The following CREB5 variants were observed in gnomAD, a reference collection of about 807,000 sequenced individuals.
CREB5 encodes the protein cAMP responsive element binding protein 5.
Under a neutral mutation model 57.1 loss-of-function variants are expected in CREB5, and 19 were observed. The ratio of observed to expected loss-of-function variants is 0.33; its 90% CI spans 0.23 to 0.49. The LOEUF (loss-of-function observed/expected upper bound fraction) is 0.49. Ranked by LOEUF, CREB5 falls within the 20% of genes least tolerant of loss-of-function variation. CREB5 has a pLI of 0.99. For synonymous variants in CREB5, 238 were observed against 238.3 expected (o/e 1.00, Z 0.01); for missense variants, 579 against 671.6 (o/e 0.86, Z 1.52).
At chr7:28,421,846 ACTCTCT>A (rs879618076) in intron 1 of CREB5, among the ~76,000 whole-genome samples, 3 of 39,902 alleles carry the variant, frequency 7.5e-5, no homozygotes, top group African/African-American at 1.6e-4. Context: ...ACACACACAC[ACTCTCT>A]CTCTCTATAT....
chr7:28,349,177 C>T (rs1263553186), intron 1 of CREB5, among the ~76,000 whole-genome samples: 1 of 152,076 alleles, frequency 6.6e-6, no homozygotes, highest in South Asian at 2.1e-4. Flanking sequence ...TTTGATTTTT[C>T]TGTAATTTTG....
intron 4 of CREB5, among the ~76,000 whole-genome samples, chr7:28,528,686 A>C (rs2128620357): frequency 6.8e-6 from 1 of 146,956 alleles, no homozygotes; most frequent in East Asian, 2.0e-4. Flanking sequence ...CCTGGGCAAC[A>C]AGAGCGAAAC....
At chr7:28,653,913 C>T (rs1799236326) in intron 5 of CREB5, among the ~76,000 whole-genome samples, 1 of 152,338 alleles carries the variant, frequency 6.6e-6, no homozygotes, top group Middle Eastern at 3.4e-3. Context: ...GATTTTAGAA[C>T]TTCAAGCCCT....
chr7:28,802,616 GAT>G (rs1383148882), intron 7 of CREB5, among the ~76,000 whole-genome samples: 1 of 152,214 alleles, frequency 6.6e-6, no homozygotes, highest in African/African-American at 2.4e-5. Flanking sequence ...CTCTGCATAA[GAT>G]ATATTTCCAA....
chr7:28,803,046 AT>A (rs1284370847), intron 7 of CREB5, among the ~76,000 whole-genome samples: 1 of 152,246 alleles, frequency 6.6e-6, no homozygotes, highest in East Asian at 1.9e-4. Context: ...AATACTGACT[AT>A]CTGACTCTTT....
chr7:28,583,553 C>T (rs1328147712), intron 5 of CREB5, among the ~76,000 whole-genome samples: 1 of 152,176 alleles, frequency 6.6e-6, no homozygotes, highest in Non-Finnish European at 1.5e-5. Flanking sequence ...TCAGTCTACC[C>T]TTTTAGGCAG....
Position 28,809,418 on chromosome 7 carries a change from C to A in CREB5, c.1254+4C>A. 1 of 1,604,708 alleles carries A rather than the reference C, an allele frequency of 6.2e-7. No homozygotes were observed. The highest frequency in any genetic ancestry group is 2.2e-5 in the East Asian group (1 of 44,588). Reference sequence around the variant, plus strand: ...CCAGACAAACATGCAGCTTCAGGTGCAGCCCACGGTGTCTTTCCCCGCGAC... The same window carrying A: ...CCAGACAAACATGCAGCTTCAGGTGAAGCCCACGGTGTCTTTCCCCGCGAC... On this transcript the variant is annotated splice_donor_region_variant and intron_variant, in intron 9 of 10. Transcript: ENST00000357727.
chr7:28,668,118 A>G (rs1321563546), intron 5 of CREB5, among the ~76,000 whole-genome samples: 1 of 152,054 alleles, frequency 6.6e-6, no homozygotes, highest in African/African-American at 2.4e-5. Flanking sequence ...TCTCTTATAA[A>G]CTCTACTTGT....
intron 7 of CREB5, among the ~76,000 whole-genome samples, chr7:28,801,436 G>A (rs1456668354): frequency 2.0e-5 from 3 of 151,794 alleles, no homozygotes; most frequent in Non-Finnish European, 2.9e-5. Context: ...CCTTAAATTC[G>A]GAAGTATCAT....
chr7:28,713,272 C>T (rs1332567293), intron 5 of CREB5, among the ~76,000 whole-genome samples: 3 of 152,142 alleles, frequency 2.0e-5, no homozygotes, highest in Admixed American at 2.0e-4. Context: ...AACTCCTGAG[C>T]TCAAGCTCAA....
chr7:28,669,247 G>A (rs982948), intron 5 of CREB5, among the ~76,000 whole-genome samples: 68,369 of 152,024 alleles, frequency 0.45, 15,969 homozygotes, highest in Middle Eastern at 0.55. Context: ...TACAGGGTAC[G>A]TGTTGGTAAA....
intron 7 of CREB5, among the ~76,000 whole-genome samples, chr7:28,750,484 G>A (rs920255209): frequency 3.9e-5 from 6 of 152,110 alleles, no homozygotes; most frequent in Non-Finnish European, 7.4e-5. Flanking sequence ...AAAATTTGTG[G>A]ATCTCATTTT....
chr7:28,690,481 T>A (rs1348622319), intron 5 of CREB5, among the ~76,000 whole-genome samples: 1 of 152,196 alleles, frequency 6.6e-6, no homozygotes, highest in African/African-American at 2.4e-5. Flanking sequence ...GGGTGGGGTC[T>A]CCTGAAAAGA....
At chr7:28,411,003 G>A (rs1274294365), upstream of CREB5, among the ~76,000 whole-genome samples, 2 of 152,104 alleles carry the variant, frequency 1.3e-5, no homozygotes, top group Middle Eastern at 3.2e-3. Context: ...TCCCTGGGGC[G>A]AGCACGGTCC....
chr7:28,365,844 A>G (rs1002596264), intron 1 of CREB5, among the ~76,000 whole-genome samples: 1 of 152,164 alleles, frequency 6.6e-6, no homozygotes, highest in East Asian at 1.9e-4. Context: ...TTTTACTCAT[A>G]TAGCACCTAT....
At chr7:28,793,051 G>A (rs1013751228) in intron 7 of CREB5, among the ~76,000 whole-genome samples, 1 of 152,114 alleles carries the variant, frequency 6.6e-6, no homozygotes, top group South Asian at 2.1e-4. Flanking sequence ...TAAGGCAGGT[G>A]CTTAAGAATC....
At chr7:28,604,626 T>C (rs1227706654) in intron 5 of CREB5, among the ~76,000 whole-genome samples, 1 of 151,150 alleles carries the variant, frequency 6.6e-6, no homozygotes, top group African/African-American at 2.4e-5. Context: ...AAATATTAAA[T>C]AATAAAATAA....
chr7:28,466,805 A>C (rs1301700013), intron 1 of CREB5, among the ~76,000 whole-genome samples: 1 of 152,182 alleles, frequency 6.6e-6, no homozygotes, highest in Non-Finnish European at 1.5e-5. Flanking sequence ...AATCGGGGCT[A>C]TGATCCGGAA....
upstream of CREB5, among the ~76,000 whole-genome samples, chr7:28,411,068 C>T (rs796977115): frequency 2.0e-5 from 3 of 152,186 alleles, no homozygotes; most frequent in Admixed American, 2.0e-4. Flanking sequence ...ACCTGATCAG[C>T]GCGCAATCCG....
Sources: gnomAD v4.1 joint callset for allele counts (sites outside exome capture counted in the v4.1 genomes callset) on GRCh38, gnomAD v4.1.1 for gene constraint, MANE v1.5 for transcripts, NCBI Gene and HGNC (gene_info 2026-07-23, HGNC 2026-07-21) for gene names.